Variants in ASPA observed in about 807,000 individuals in gnomAD.
The protein encoded by ASPA is ACY-2.
In ASPA, 25 loss-of-function variants were observed where a neutral mutation model predicts 29.6. The observed-to-expected ratio is 0.85, with a 90% CI of 0.62 to 1.18. The LOEUF (loss-of-function observed/expected upper bound fraction) is 1.18. ASPA is among the 50% of genes most tolerant of loss of function. The pLI, the probability that ASPA is intolerant of heterozygous loss-of-function variation, is 0.00. For synonymous variants in ASPA, 131 were observed against 130.3 expected (o/e 1.01, Z -0.04); for missense variants, 333 against 385.7 (o/e 0.86, Z 1.14).
intron 5 of ASPA, among the ~76,000 whole-genome samples, chr17:3,495,084 T>C (rs2073887241): frequency 6.6e-6 from 1 of 150,542 alleles, no homozygotes; most frequent in Admixed American, 6.6e-5. Flanking sequence ...AATGACATAG[T>C]GAAGAAGGAA....
In ASPA at chr17:3,485,199, G is replaced by A. The variant is rs539516538; in HGVS notation, c.526+1607G>A. 1.2e-3 allele frequency among the ~76,000 whole-genome samples: 185 copies of A among 151,994 alleles called. 1 individual carries two copies. Among genetic ancestry groups the A allele is most frequent in the Middle Eastern group, 3.4e-3 (1 of 294 alleles). ...ACATTCAGCTAATTTTTTATTTTTTGTAGAGACAGGATCTCAGTATGATCA... is the reference window on the plus strand; with the variant it reads ...ACATTCAGCTAATTTTTTATTTTTTATAGAGACAGGATCTCAGTATGATCA... On this transcript the variant is annotated intron_variant, in intron 3 of 5. Transcript: ENST00000263080. The surrounding 1 kb of genome is among the most constrained non-coding windows in gnomAD (Gnocchi z 4.4).
At chr17:3,484,048 C>T (rs1490078306) in intron 3 of ASPA, among the ~76,000 whole-genome samples, 1 of 152,304 alleles carries the variant, frequency 6.6e-6, no homozygotes, top group East Asian at 1.9e-4. Context: ...TCCAGGCAGG[C>T]TCTAATTGTA....
chr17:3,476,212 G>C lies in ASPA; in HGVS notation c.53G>C (p.Gly18Ala). 6.2e-7 allele frequency: 1 copy of C among 1,614,070 alleles called. No homozygotes were observed. The highest frequency in any genetic ancestry group is 1.1e-5 in the South Asian group (1 of 91,078). ...EEHIQKVAIF[G>A]GTHGNELTGV... ...CATATACAAAAGGTTGCTATCTTTG[G>C]AGGAACCCATGGGAATGAGCTAACC... Residue 18 changes from glycine (G) to alanine (A), a missense_variant, in exon 1 of 6, where the codon GGA (glycine) becomes GCA (alanine). By Grantham distance (60) the Gly-to-Ala change is moderately conservative. Transcript: ENST00000263080.
intron 4 of ASPA, among the ~76,000 whole-genome samples, chr17:3,493,617 C>T (rs1271161637): frequency 6.7e-6 from 1 of 150,358 alleles, no homozygotes; most frequent in African/African-American, 2.4e-5. Flanking sequence ...GAAGTCACCT[C>T]AGTTGCTGGA....
intron 4 of ASPA, among the ~76,000 whole-genome samples, chr17:3,489,662 C>T (rs1277657423): frequency 6.6e-6 from 1 of 152,194 alleles, no homozygotes; most frequent in Non-Finnish European, 1.5e-5. Context: ...TAAGAAGTCA[C>T]TTCCCCCATT....
intron 5 of ASPA, among the ~76,000 whole-genome samples, chr17:3,494,697 T>C (rs1211705349): frequency 6.6e-6 from 1 of 152,136 alleles, no homozygotes; most frequent in Non-Finnish European, 1.5e-5. Context: ...GAATTTATAG[T>C]GTAGGTACAC....
At chr17:3,489,386 C>T in intron 4 of ASPA, 44 bp downstream of exon 4, 3 of 1,464,730 alleles carry the variant, frequency 2.0e-6, no homozygotes, top group African/African-American at 1.4e-5. Context: ...AACCACCAAA[C>T]ATTTAAATAA....
Position 3,499,014 on chromosome 17 carries a change from G to A in ASPA, c.868G>A (p.Glu290Lys), listed in dbSNP as rs1331100491. The A allele has an allele frequency of 3.1e-6, 5 of 1,614,156 alleles. No individual in the cohort carries two copies. The highest frequency in any genetic ancestry group is 2.7e-5 in the African/African-American group (2 of 75,028). The change falls in exon 6 of 6, where the codon GAA becomes AAA. Residue 290 changes from glutamate (E) to lysine (K), a missense_variant. Coordinates refer to ENST00000263080, the MANE Select transcript of ASPA (RefSeq NM_000049.4). Reference sequence around the variant, plus strand: ...GTTTGTGAATGAGGCCGCATATTACGAAAAGAAAGAAGCTTTTGCAAAGAC... The same window carrying A: ...GTTTGTGAATGAGGCCGCATATTACAAAAAGAAAGAAGCTTTTGCAAAGAC... Reference protein sequence around the residue: ...PVFVNEAAYYEKKEAFAKTTK... With the variant: ...PVFVNEAAYYKKKEAFAKTTK...
At chr17:3,487,673 C>T (rs911256260) in intron 3 of ASPA, among the ~76,000 whole-genome samples, 3 of 152,148 alleles carry the variant, frequency 2.0e-5, no homozygotes, top group African/African-American at 7.2e-5. Context: ...TACTTTTGTG[C>T]ATAATAAAGA....
intron 1 of ASPA, among the ~76,000 whole-genome samples, chr17:3,480,942 A>C (rs1438865792): frequency 6.6e-6 from 1 of 151,694 alleles, no homozygotes; most frequent in Non-Finnish European, 1.5e-5. Context: ...CAACAGAGCA[A>C]GACTGTATCT....
Position 3,500,504 on chromosome 17 carries a change from T to C in ASPA, c.*1416T>C, listed in dbSNP as rs547096770. 1.3e-4 allele frequency: 3 copies of C among 22,516 alleles called. No homozygotes were observed. Among genetic ancestry groups the C allele is most frequent in the African/African-American group, 2.1e-4 (3 of 14,576 alleles). The allele number at this position is 22,516 out of a possible 1,614,324, so 1.4% of individuals were successfully genotyped here. A position where few individuals can be genotyped will look rare whatever the true frequency, so the allele number is the denominator to read the frequency against. On this transcript the variant is annotated 3_prime_UTR_variant, in exon 6 of 6. Coordinates refer to ENST00000263080, the MANE Select transcript of ASPA (RefSeq NM_000049.4). ...TGTTTCAAAAATCCTAAAACTCTTGTTTTTTGTTTTTTTTTTGAGACGGAG... is the reference window on the plus strand; with the variant it reads ...TGTTTCAAAAATCCTAAAACTCTTGCTTTTTGTTTTTTTTTTGAGACGGAG...
At chr17:3,479,971 A>T (rs2073599114) in intron 1 of ASPA, among the ~76,000 whole-genome samples, 1 of 152,200 alleles carries the variant, frequency 6.6e-6, no homozygotes, top group African/African-American at 2.4e-5. Flanking sequence ...GAATGGAAGA[A>T]AAACTACTGG....
chr17:3,482,836 A>C, intron 2 of ASPA, among the ~76,000 whole-genome samples: 1 of 149,364 alleles, frequency 6.7e-6, no homozygotes, highest in Non-Finnish European at 1.5e-5. Flanking sequence ...CATGTGCACC[A>C]TGTGCAGGTT....
At chr17:3,487,286 T>A in intron 3 of ASPA, among the ~76,000 whole-genome samples, 1 of 152,208 alleles carries the variant, frequency 6.6e-6, no homozygotes, top group East Asian at 1.9e-4. Context: ...GTCTCTCTAA[T>A]GTTAAACATG....
intron 4 of ASPA, among the ~76,000 whole-genome samples, chr17:3,491,524 A>G (rs1396282071): frequency 6.6e-6 from 1 of 152,196 alleles, no homozygotes; most frequent in African/African-American, 2.4e-5. Flanking sequence ...AGGCAGGCAG[A>G]TCACTTGAGG....
At chr17:3,487,312 G>A (rs2150751948) in intron 3 of ASPA, among the ~76,000 whole-genome samples, 1 of 152,218 alleles carries the variant, frequency 6.6e-6, no homozygotes, top group African/African-American at 2.4e-5. Flanking sequence ...TTCCCAGTGA[G>A]TGCATGATAT....
At chr17:3,484,542 T>A (rs2073687122) in intron 3 of ASPA, among the ~76,000 whole-genome samples, 1 of 152,054 alleles carries the variant, frequency 6.6e-6, no homozygotes. Flanking sequence ...AGGAAAAAAA[T>A]TGAGAGCAGT....
rs1045394807 is a variant in ASPA at position 3,502,319 on chromosome 17, A to G, written c.*3231A>G. The G allele has an allele frequency of 2.0e-5, 3 of 152,258 alleles. No individual in the cohort carries two copies. Among genetic ancestry groups the G allele is most frequent in the African/African-American group, 4.8e-5 (2 of 41,474 alleles). The allele number at this position is 152,258 out of a possible 1,614,324, so 9.4% of individuals were successfully genotyped here. A position where few individuals can be genotyped will look rare whatever the true frequency, so the allele number is the denominator to read the frequency against. On this transcript the variant is annotated 3_prime_UTR_variant, in exon 6 of 6. Transcript: ENST00000263080. ...AGCATAACTTTTACACGTACTGGAAAATCAAAAAATATGTGTGGCTCATCT... is the reference window on the plus strand; with the variant it reads ...AGCATAACTTTTACACGTACTGGAAGATCAAAAAATATGTGTGGCTCATCT...
At chr17:3,474,579 G>T (rs758335021), upstream of ASPA, among the ~76,000 whole-genome samples, 5 of 152,110 alleles carry the variant, frequency 3.3e-5, no homozygotes, top group African/African-American at 4.8e-5. Context: ...AAGCCTACAG[G>T]AGCTTTTTTT....
Sources: gnomAD v4.1 joint callset for allele counts (sites outside exome capture counted in the v4.1 genomes callset) on GRCh38, gnomAD v4.1.1 for gene constraint, Gnocchi (gnomAD v3.1) non-coding constraint, MANE v1.5 for transcripts, NCBI Gene and HGNC (gene_info 2026-07-23, HGNC 2026-07-21) for gene names.